Variants in TCF12 observed in about 807,000 individuals in gnomAD.
TCF12 encodes DNA-binding protein HTF4.
Under a neutral mutation model 86.0 loss-of-function variants are expected in TCF12, and 45 were observed. That is an observed-to-expected ratio of 0.52 (90% confidence interval 0.41 to 0.67). The LOEUF is 0.67. TCF12 is among the 30% of genes least tolerant of loss of function. TCF12 has a pLI of 0.00. For missense variants in TCF12, 881 were observed against 859.9 expected (o/e 1.02, Z -0.31); for synonymous variants, 330 against 299.6 (o/e 1.10, Z -1.05).
chr15:56,960,532 T>A (rs1382847681), intron 3 of TCF12, among the ~76,000 whole-genome samples: 2 of 150,868 alleles, frequency 1.3e-5, no homozygotes, highest in African/African-American at 4.9e-5. Flanking sequence ...CCGGTTCAAG[T>A]GATTCTCCCA....
At chr15:57,268,301 C>T (rs1366323408) in intron 18 of TCF12, among the ~76,000 whole-genome samples, 3 of 152,014 alleles carry the variant, frequency 2.0e-5, no homozygotes, top group Non-Finnish European at 2.9e-5. Context: ...CCACTGGGCT[C>T]GATGATCTTT....
At chr15:57,070,551 A>G (rs1357800736) in intron 4 of TCF12, among the ~76,000 whole-genome samples, 1 of 152,214 alleles carries the variant, frequency 6.6e-6, no homozygotes, top group Admixed American at 6.5e-5. Context: ...AGCCTATAAG[A>G]TTATCTGGAT....
chr15:57,280,685 C>T (rs912460715), intron 19 of TCF12, among the ~76,000 whole-genome samples: 2 of 152,016 alleles, frequency 1.3e-5, no homozygotes, highest in Admixed American at 6.5e-5. Flanking sequence ...GTCTGGGCAA[C>T]GTAGTGAGAC....
intron 4 of TCF12, among the ~76,000 whole-genome samples, chr15:57,068,917 A>C (rs2069134429): frequency 6.6e-6 from 1 of 152,156 alleles, no homozygotes; most frequent in South Asian, 2.1e-4. Context: ...TTATTGATAT[A>C]ATAAGTGAGA....
chr15:57,003,645 T>G (rs533556135), intron 3 of TCF12, among the ~76,000 whole-genome samples: 3 of 152,376 alleles, frequency 2.0e-5, no homozygotes, highest in Non-Finnish European at 4.4e-5. Context: ...CTGCTGGGAA[T>G]GTGCATGTTT....
intron 4 of TCF12, among the ~76,000 whole-genome samples, chr15:57,086,674 T>A (rs1466389037): frequency 7.5e-6 from 1 of 133,692 alleles, no homozygotes; most frequent in African/African-American, 2.8e-5. Flanking sequence ...GAGAAAGTAA[T>A]CTTTATTCAA....
At chr15:57,270,913 T>G (rs1056462445) in intron 18 of TCF12, among the ~76,000 whole-genome samples, 7 of 152,120 alleles carry the variant, frequency 4.6e-5, no homozygotes, top group African/African-American at 1.4e-4. Context: ...ACAGCAAATA[T>G]TGCTGCCTGA....
intron 3 of TCF12, among the ~76,000 whole-genome samples, chr15:56,985,066 T>C (rs1395336459): frequency 3.9e-5 from 6 of 152,192 alleles, no homozygotes; most frequent in Admixed American, 6.5e-5. Context: ...GCACATAATT[T>C]CTTTTTATAT....
At chr15:56,984,289 T>TGTGTGTGA (rs2063062604) in intron 3 of TCF12, among the ~76,000 whole-genome samples, 1 of 149,970 alleles carries the variant, frequency 6.7e-6, no homozygotes, top group South Asian at 2.1e-4. Context: ...TGTGTGTGTG[T>TGTGTGTGA]GTGTGAAGGG....
intron 5 of TCF12, among the ~76,000 whole-genome samples, chr15:57,101,304 C>T (rs950270193): frequency 1.3e-5 from 2 of 152,164 alleles, no homozygotes; most frequent in East Asian, 3.9e-4. Context: ...TTCCCAGGCT[C>T]CAGTGATCCT....
At chr15:57,021,593 G>A (rs78726764) in intron 3 of TCF12, among the ~76,000 whole-genome samples, 66 of 152,270 alleles carry the variant, frequency 4.3e-4, no homozygotes, top group Non-Finnish European at 8.7e-4. Flanking sequence ...CAGCACCAAG[G>A]ATAAAATGTT....
At chr15:56,987,317 G>A (rs1262941680) in intron 3 of TCF12, among the ~76,000 whole-genome samples, 3 of 152,134 alleles carry the variant, frequency 2.0e-5, no homozygotes, top group Non-Finnish European at 4.4e-5. Flanking sequence ...GTTTCATCAT[G>A]TTGGCCAGGC....
chr15:57,282,330 G>A (rs2061728316), intron 19 of TCF12, 115 bp from the exon 20 acceptor site: 2 of 1,241,984 alleles, frequency 1.6e-6, no homozygotes, highest in Non-Finnish European at 2.3e-6. Flanking sequence ...TTTCTTCTAT[G>A]TGATGGTACT....
chr15:57,162,418 CA>C (rs1395271578), intron 5 of TCF12, among the ~76,000 whole-genome samples: 1 of 151,972 alleles, frequency 6.6e-6, no homozygotes, highest in Non-Finnish European at 1.5e-5. Context: ...ACTGAGTATG[CA>C]TTATTTTATT....
At chr15:57,240,603 C>T (rs375145318) in intron 12 of TCF12, among the ~76,000 whole-genome samples, 1 of 152,018 alleles carries the variant, frequency 6.6e-6, no homozygotes, top group South Asian at 2.1e-4. Context: ...TGTTGAGGGC[C>T]GGGTTCAATG....
In TCF12 at chr15:57,253,288, C is replaced by T. The variant is rs1168834027; in HGVS notation, c.1287C>T (p.Asp429=). The change falls in exon 16 of 21, where the codon GAC becomes GAT. Residue 429 remains aspartate, a synonymous_variant. Transcript: ENST00000333725. ...AGTCTCGAATGGAGGATCGTTTAGACAGACTGGATGATGCAATCCATGTGC... is the reference window on the plus strand; with the variant it reads ...AGTCTCGAATGGAGGATCGTTTAGATAGACTGGATGATGCAATCCATGTGC... ...CEQSRMEDRL[D]RLDDAIHVLR... The T allele has an allele frequency of 1.2e-6, 2 of 1,613,920 alleles. No homozygotes were observed. The highest frequency in any genetic ancestry group is 2.2e-5 in the South Asian group (2 of 91,080).
intron 5 of TCF12, among the ~76,000 whole-genome samples, chr15:57,163,459 G>A (rs1408956107): frequency 2.0e-5 from 3 of 152,126 alleles, no homozygotes; most frequent in African/African-American, 7.2e-5. Flanking sequence ...CAACACTTTG[G>A]AAGGCTGAGG....
At position 57,287,602 on chromosome 15, in the gene TCF12, A is replaced by C. The variant is rs2061974366; in HGVS notation, c.*1457A>C. 6.6e-6 allele frequency: 1 copy of C among 152,666 alleles called. No homozygotes were observed. Among genetic ancestry groups the C allele is most frequent in the Non-Finnish European group, 1.5e-5 (1 of 68,044 alleles). The allele number at this position is 152,666 out of a possible 1,614,324, so 9.5% of individuals were successfully genotyped here. On this transcript the variant is annotated 3_prime_UTR_variant, in exon 21 of 21. Coordinates refer to ENST00000333725, the MANE Select transcript of TCF12 (RefSeq NM_207037.2). ...CACAACAACCCTGGGAGAGAAAAACATGCTAAAGGAGGTATCTTGGCTTAA... is the reference window on the plus strand; with the variant it reads ...CACAACAACCCTGGGAGAGAAAAACCTGCTAAAGGAGGTATCTTGGCTTAA...
chr15:57,231,915 T>C (rs139098501), intron 9 of TCF12, among the ~76,000 whole-genome samples: 10 of 152,340 alleles, frequency 6.6e-5, no homozygotes, highest in Admixed American at 2.0e-4. Flanking sequence ...AAATGTTTGA[T>C]ATAATGCACA....
Sources: allele counts gnomAD v4.1 joint callset (sites outside exome capture counted in the v4.1 genomes callset), GRCh38; gene constraint gnomAD v4.1.1; transcripts MANE v1.5; gene names NCBI Gene and HGNC (gene_info 2026-07-23, HGNC 2026-07-21).